ARHGEF7: variants seen among roughly 807,000 people sequenced by gnomAD.
ARHGEF7 encodes the protein Rho guanine nucleotide exchange factor 7.
Under a neutral mutation model 109.8 loss-of-function variants are expected in ARHGEF7, and 33 were observed. The observed-to-expected ratio is 0.30, with a 90% CI of 0.23 to 0.40. The LOEUF (loss-of-function observed/expected upper bound fraction) is 0.40, where lower values mean the gene tolerates loss of function less well. Ranked by LOEUF, ARHGEF7 falls within the 10% of genes least tolerant of loss-of-function variation. The pLI, the probability that ARHGEF7 is intolerant of heterozygous loss-of-function variation, is 1.00. For missense variants in ARHGEF7, 938 were observed against 1,098.5 expected (o/e 0.85, Z 2.07); for synonymous variants, 458 against 424.6 (o/e 1.08, Z -0.97).
intron 1 of ARHGEF7, chr13:111,153,616 CGGGCCGGCGG>C (rs2076034676): frequency 8.5e-7 from 1 of 1,172,538 alleles, no homozygotes; most frequent in Admixed American, 5.0e-5. Context: ...ACGTCCCGCG[CGGGCCGGCGG>C]GGGCGCGGTC....
rs994988348 is a variant in ARHGEF7, at chr13:111,277,726, A to C, written c.1506+53A>C. 3 of 1,291,138 alleles carry C rather than the reference A, an allele frequency of 2.3e-6. No individual in the cohort carries two copies. The African/African-American group carries it at 4.4e-5, about 19-fold the overall frequency. The allele number at this position is 1,291,138 out of a possible 1,614,324, so 80.0% of individuals were successfully genotyped here. On this transcript the variant is annotated intron_variant, in intron 13 of 21. Transcript: ENST00000646102. ...ATTGTGGATCTGAGGATAATTTCAA[A>C]CTGGCTTTGAATTTTGTGTTAAATA...
intron 5 of ARHGEF7, among the ~76,000 whole-genome samples, chr13:111,221,560 T>TATATATAG (rs2084345250): frequency 1.6e-5 from 1 of 61,258 alleles, no homozygotes; most frequent in Non-Finnish European, 3.1e-5. Context: ...TCTATATATC[T>TATATATAG]ATATATATAG....
intron 19 of ARHGEF7, chr13:111,292,955 C>T (rs933238672): frequency 1.0e-6 from 1 of 985,848 alleles, no homozygotes; most frequent in African/African-American, 1.7e-5. Flanking sequence ...CGGCTCTGTG[C>T]TCTTCTGTGT....
At chr13:111,212,561 GTCCCCATCA>G (rs2153479322) in intron 4 of ARHGEF7, among the ~76,000 whole-genome samples, 1 of 152,220 alleles carries the variant, frequency 6.6e-6, no homozygotes, top group African/African-American at 2.4e-5. Flanking sequence ...TGAGGTGATT[GTCCCCATCA>G]TCCTTCATTT....
At chr13:111,245,741 C>G (rs2088716700) in intron 8 of ARHGEF7, among the ~76,000 whole-genome samples, 1 of 152,238 alleles carries the variant, frequency 6.6e-6, no homozygotes, top group African/African-American at 2.4e-5. Context: ...ATTGTCTCCA[C>G]TGCTTTACGA....
At chr13:111,212,819 G>A (rs1189382130) in intron 4 of ARHGEF7, among the ~76,000 whole-genome samples, 1 of 152,160 alleles carries the variant, frequency 6.6e-6, no homozygotes, top group African/African-American at 2.4e-5. Flanking sequence ...TAACACATCT[G>A]GAAGTACGTG....
At chr13:111,164,574 G>A (rs772055070) in intron 2 of ARHGEF7, among the ~76,000 whole-genome samples, 3 of 152,182 alleles carry the variant, frequency 2.0e-5, no homozygotes, top group Non-Finnish European at 1.5e-5. Flanking sequence ...TTTCCAATTC[G>A]TGCTGGACCC....
chr13:111,228,771 G>T lies in ARHGEF7; in HGVS notation c.671-4434G>T, dbSNP rs1006055257. 2.0e-5 allele frequency among the ~76,000 whole-genome samples: 3 copies of T among 151,986 alleles called. No homozygotes were observed. Among genetic ancestry groups the T allele is most frequent in the Non-Finnish European group, 4.4e-5 (3 of 67,998 alleles). On this transcript the variant is annotated intron_variant, in intron 5 of 21. Transcript: ENST00000646102. The surrounding 1 kb of genome is among the most constrained non-coding windows in gnomAD (Gnocchi z 4.6). ...GTGAACTCTGAGTGCGTGAGTAACAGCCAACAAACCACGCACAGAGCCCCA... is the reference window on the plus strand; with the variant it reads ...GTGAACTCTGAGTGCGTGAGTAACATCCAACAAACCACGCACAGAGCCCCA...
chr13:111,241,730 A>C (rs1422603923), intron 6 of ARHGEF7, among the ~76,000 whole-genome samples: 1 of 152,156 alleles, frequency 6.6e-6, no homozygotes, highest in African/African-American at 2.4e-5. Flanking sequence ...CTGCTTTCTT[A>C]TCTCACATAG....
At chr13:111,275,865 A>T in intron 12 of ARHGEF7, 187 bp downstream of exon 12, 1 of 684,632 alleles carries the variant, frequency 1.5e-6, no homozygotes. Context: ...CTTAGAGCTG[A>T]GTGTGGACTT....
rs1204947820 is a variant in ARHGEF7, at chr13:111,182,147, C to T, written c.253-23142C>T. The T allele has an allele frequency of 3.9e-5, 6 of 152,254 alleles. No homozygotes were observed. In the South Asian group the frequency reaches 6.2e-4, roughly 16 times the overall value. 9.4% of individuals were successfully genotyped at this position (152,254 alleles called of 1,614,324 possible). A position where few individuals can be genotyped will look rare whatever the true frequency, so the allele number is the denominator to read the frequency against. ...GGGTGAGAACACCGCCGTTCTGGAT[C>T]GCAGCAGTCTCGTTGATCTTCACGG... On this transcript the variant is annotated intron_variant, in intron 2 of 21. Transcript: ENST00000646102.
chr13:111,186,697 C>A, intron 2 of ARHGEF7: 3 of 447,118 alleles, frequency 6.7e-6, no homozygotes, highest in Non-Finnish European at 8.9e-6. Flanking sequence ...CACTCCAGAG[C>A]TGTGCTAAAA....
Position 111,185,961 on chromosome 13 carries a change from C to CGTGTGTGTGTGTGTGT in ARHGEF7, c.253-19299_253-19284dup, listed in dbSNP as rs71127998. ...TTTGTCACACTGTCTTTTGGGAGCT[C>CGTGTGTGTGTGTGTGT]GTGTGTGTGTGTGTGTGTGTGTGTG... On this transcript the variant is annotated intron_variant, in intron 2 of 21. Coordinates refer to ENST00000646102, the MANE Select transcript of ARHGEF7 (RefSeq NM_001354046.2). 2.7e-3 allele frequency among the ~76,000 whole-genome samples: 369 copies of CGTGTGTGTGTGTGTGT among 135,844 alleles called. 5 individuals are homozygous for CGTGTGTGTGTGTGTGT. The highest frequency in any genetic ancestry group is 2.9e-3 in the Non-Finnish European group (185 of 63,354). The allele number at this position is 135,844 out of a possible 152,430, so 89.1% of individuals were successfully genotyped here. A position where few individuals can be genotyped will look rare whatever the true frequency, so the allele number is the denominator to read the frequency against.
chr13:111,294,497 T>C, intron 19 of ARHGEF7: 1 of 985,464 alleles, frequency 1.0e-6, no homozygotes, highest in Non-Finnish European at 1.2e-6. Flanking sequence ...CATCATTCCA[T>C]TTTGTACCAG....
intron 4 of ARHGEF7, among the ~76,000 whole-genome samples, chr13:111,215,218 G>A (rs1350954656): frequency 6.6e-6 from 1 of 152,150 alleles, no homozygotes; most frequent in Admixed American, 6.5e-5. Flanking sequence ...CTGAGTGCTG[G>A]TTCTTAAGGA....
At chr13:111,147,721 G>A (rs1443112966) in intron 1 of ARHGEF7, among the ~76,000 whole-genome samples, 3 of 124,608 alleles carry the variant, frequency 2.4e-5, no homozygotes, top group East Asian at 2.3e-4. Context: ...TTTTTGAGAC[G>A]GAGTCTCGCT....
At chr13:111,190,627 C>T (rs2079772450) in intron 2 of ARHGEF7, among the ~76,000 whole-genome samples, 1 of 152,158 alleles carries the variant, frequency 6.6e-6, no homozygotes, top group African/African-American at 2.4e-5. Context: ...CCATTCTTAA[C>T]CCTATAAGTA....
rs566061804 is a variant in ARHGEF7, at chr13:111,286,543, G to C, written c.2044+303G>C. On this transcript the variant is annotated intron_variant, in intron 17 of 21. Transcript: ENST00000646102. ...TCCTGCTCTTCTGGTTCTCCCTCTC[G>C]CCTATAAGATATTCCACCCACACTT... 9.9e-5 allele frequency among the ~76,000 whole-genome samples: 15 copies of C among 152,256 alleles called. No homozygotes were observed. In the South Asian group the frequency reaches 1.5e-3, roughly 15 times the overall value.
At chr13:111,171,603 A>G (rs1003635492) in intron 2 of ARHGEF7, among the ~76,000 whole-genome samples, 2 of 152,258 alleles carry the variant, frequency 1.3e-5, no homozygotes, top group South Asian at 2.1e-4. Context: ...TTTTTATGTG[A>G]TGGAGTAAAC....
Sources: gnomAD v4.1 joint callset for allele counts (sites outside exome capture counted in the v4.1 genomes callset) on GRCh38, gnomAD v4.1.1 for gene constraint, Gnocchi (gnomAD v3.1) non-coding constraint, MANE v1.5 for transcripts, NCBI Gene and HGNC (gene_info 2026-07-23, HGNC 2026-07-21) for gene names.